The following NGF variants were observed in gnomAD, a reference collection of about 807,000 sequenced individuals.
The protein encoded by NGF is beta-nerve growth factor.
NGF carries 4 observed loss-of-function variants against 12.8 expected under a neutral mutation model. That is an observed-to-expected ratio of 0.31 (90% CI 0.15 to 0.72). NGF has a LOEUF of 0.72. Among genes scored for constraint, NGF ranks in the 30% least tolerant of loss-of-function variants. The pLI, the probability that NGF is intolerant of heterozygous loss-of-function variation, is 0.69. For synonymous variants in NGF, 140 were observed against 130.0 expected (o/e 1.08, Z -0.52); for missense variants, 283 against 330.8 (o/e 0.86, Z 1.12).
intron 1 of NGF, among the ~76,000 whole-genome samples, chr1:115,297,065 CATGCTTTA>C (rs144060618): frequency 0.047 from 7,131 of 152,278 alleles, 230 homozygotes; most frequent in Non-Finnish European, 0.073. Flanking sequence ...TCCTGGGTTT[CATGCTTTA>C]AAGCAGTGGT....
At chr1:115,333,013 G>A (rs945054444) in intron 1 of NGF, among the ~76,000 whole-genome samples, 1 of 152,194 alleles carries the variant, frequency 6.6e-6, no homozygotes, top group African/African-American at 2.4e-5. Context: ...AGTGAGACAT[G>A]CAAGTCACTC....
At chr1:115,337,268 T>TTTGTTTTTTTG (rs1557950789) in intron 1 of NGF, among the ~76,000 whole-genome samples, 1 of 34,222 alleles carries the variant, frequency 2.9e-5, no homozygotes, top group Non-Finnish European at 5.4e-5. Context: ...TTTGTTTTTG[T>TTTGTTTTTTTG]TTTTTTTTTT....
chr1:115,300,198 C>A (rs1484553240), intron 1 of NGF, among the ~76,000 whole-genome samples: 1 of 152,088 alleles, frequency 6.6e-6, no homozygotes, highest in Admixed American at 6.6e-5. Flanking sequence ...GACTATAATG[C>A]GATTCAGATG....
At chr1:115,322,502 T>C (rs1477757099) in intron 1 of NGF, among the ~76,000 whole-genome samples, 4 of 152,094 alleles carry the variant, frequency 2.6e-5, no homozygotes. Flanking sequence ...AAGAGACCTT[T>C]AGGGTGGGGG....
chr1:115,302,637 T>A (rs1654073091), intron 1 of NGF, among the ~76,000 whole-genome samples: 1 of 152,234 alleles, frequency 6.6e-6, no homozygotes, highest in Non-Finnish European at 1.5e-5. Context: ...GCAGCAGGCC[T>A]CTGTCTGTAA....
chr1:115,306,906 A>G (rs943084034), intron 1 of NGF, among the ~76,000 whole-genome samples: 1 of 152,248 alleles, frequency 6.6e-6, no homozygotes, highest in Non-Finnish European at 1.5e-5. Flanking sequence ...GTTTGGCCCT[A>G]TCACCACTGG....
Position 115,286,615 on chromosome 1 carries a change from C to T in NGF, c.181G>A (p.Ala61Thr). The T allele has an allele frequency of 6.2e-7, 1 of 1,614,234 alleles. No individual in the cohort carries two copies. Residue 61 changes from alanine to threonine, a missense_variant, in exon 3 of 3, where the codon GCA (alanine) becomes ACA (threonine). Ala to Thr is a moderately conservative substitution (Grantham distance 58). This residue lies in a region of NGF where 151 missense variants were observed against 141.6 expected (regional missense o/e 1.07). Coordinates refer to ENST00000369512, the MANE Select transcript of NGF (RefSeq NM_002506.3). ...ARSAPAAAIA[A>T]RVAGQTRNIT... Reference sequence around the variant, plus strand: ...TTGCGGGTCTGCCCCGCCACGCGTGCAGCTATCGCCGCTGCCGGGGCGCTG... The same window carrying T: ...TTGCGGGTCTGCCCCGCCACGCGTGTAGCTATCGCCGCTGCCGGGGCGCTG...
chr1:115,298,278 T>A (rs1653932068), intron 1 of NGF, among the ~76,000 whole-genome samples: 1 of 152,154 alleles, frequency 6.6e-6, no homozygotes, highest in Non-Finnish European at 1.5e-5. Context: ...ACCAAGCACA[T>A]CAAATCATCT....
At chr1:115,288,103 A>G (rs1166443553) in intron 2 of NGF, among the ~76,000 whole-genome samples, 2 of 152,144 alleles carry the variant, frequency 1.3e-5, no homozygotes, top group Non-Finnish European at 2.9e-5. Context: ...CCACACAGAT[A>G]CGACCTAGTC....
intron 1 of NGF, among the ~76,000 whole-genome samples, chr1:115,320,129 G>A (rs754003949): frequency 1.3e-5 from 2 of 152,094 alleles, no homozygotes; most frequent in Non-Finnish European, 2.9e-5. Context: ...GAAGGACCAG[G>A]CCTTTGGTGG....
At chr1:115,312,399 C>G (rs1433042790) in intron 1 of NGF, among the ~76,000 whole-genome samples, 1 of 151,894 alleles carries the variant, frequency 6.6e-6, no homozygotes, top group Non-Finnish European at 1.5e-5. Context: ...GAATACTAGA[C>G]AAGTATAAGG....
chr1:115,334,169 C>A (rs934647629), intron 1 of NGF, among the ~76,000 whole-genome samples: 2 of 152,022 alleles, frequency 1.3e-5, no homozygotes, highest in African/African-American at 4.8e-5. Context: ...GTTATCAATT[C>A]TCATTTATTT....
At chr1:115,325,568 G>T (rs1249884071) in intron 1 of NGF, among the ~76,000 whole-genome samples, 2 of 152,104 alleles carry the variant, frequency 1.3e-5, no homozygotes, top group Non-Finnish European at 2.9e-5. Flanking sequence ...GCCATGGCAA[G>T]ATAATTTCAT....
intron 1 of NGF, among the ~76,000 whole-genome samples, chr1:115,298,769 A>G (rs1456409172): frequency 6.6e-6 from 1 of 151,592 alleles, no homozygotes; most frequent in Non-Finnish European, 1.5e-5. Context: ...TAATAGCCAA[A>G]TCGATCACTA....
chr1:115,293,474 C>T (rs775193411), intron 2 of NGF, among the ~76,000 whole-genome samples, 153 bp downstream of exon 2: 1 of 152,238 alleles, frequency 6.6e-6, no homozygotes, highest in Non-Finnish European at 1.5e-5. Flanking sequence ...GCTAGGGGAG[C>T]TGCATTTGCT....
At chr1:115,330,521 T>C (rs1054367849) in intron 1 of NGF, among the ~76,000 whole-genome samples, 7 of 152,146 alleles carry the variant, frequency 4.6e-5, no homozygotes, top group Admixed American at 6.5e-5. Context: ...CTTTCTCAAT[T>C]TGGGGTGAAT....
chr1:115,287,898 G>A (rs953610988), intron 2 of NGF, among the ~76,000 whole-genome samples: 3 of 152,218 alleles, frequency 2.0e-5, no homozygotes, highest in Non-Finnish European at 4.4e-5. Flanking sequence ...TGCTCCTGGA[G>A]GGCCTCTCAC....
In NGF at chr1:115,333,713, CTTTTCTTTCTTTCCTTCT is replaced by C. The variant is rs1655014240; in HGVS notation, c.-137+4473_-137+4490del. On this transcript the variant is annotated intron_variant, in intron 1 of 2. Transcript: ENST00000369512. Reference sequence around the variant, plus strand: ...TCTTTCTTTCTTTCTTTCTTTCTTTCTTTTCTTTCTTTCCTTCTTTCTTTCTTTCTTCCTTCCTCCCTC... The same window carrying C: ...TCTTTCTTTCTTTCTTTCTTTCTTTCTTCTTTCTTTCTTCCTTCCTCCCTC... Among the ~76,000 whole-genome samples, 9 of 44,502 alleles carry C rather than the reference CTTTTCTTTCTTTCCTTCT, an allele frequency of 2.0e-4. 2 individuals are homozygous for C. In the South Asian group the frequency reaches 3.0e-3, roughly 15 times the overall value. 29.2% of individuals were successfully genotyped at this position (44,502 alleles called of 152,430 possible).
rs565497625 is a variant in NGF, at chr1:115,286,115, C to T, written c.681G>A (p.Thr227=). Residue 227 remains threonine (T), a synonymous_variant, in exon 3 of 3, where the codon ACG becomes ACA. Coordinates refer to ENST00000369512, the MANE Select transcript of NGF (RefSeq NM_002506.3). ...TCCTGCTGAGCACACACACACAGGC[C>T]GTATCTATCCGGATAAACCGCCAGG... ...QAAWRFIRID[T]ACVCVLSRKA... The T allele has an allele frequency of 4.0e-5, 64 of 1,613,246 alleles. No homozygotes were observed. Among genetic ancestry groups the T allele is most frequent in the African/African-American group, 8.0e-5 (6 of 74,840 alleles).
Sources: gnomAD v4.1 joint callset for allele counts (sites outside exome capture counted in the v4.1 genomes callset) on GRCh38, gnomAD v4.1.1 for gene constraint, gnomAD v4.1.1 regional missense constraint, MANE v1.5 for transcripts, NCBI Gene and HGNC (gene_info 2026-07-23, HGNC 2026-07-21) for gene names.